CSMD1: variants seen among roughly 807,000 people sequenced by gnomAD.
CSMD1 encodes the protein CUB and Sushi multiple domains 1, also known as CUB and sushi domain-containing protein 1.
A neutral mutation model predicts 417.5 loss-of-function variants in CSMD1; 213 were observed. The observed-to-expected ratio is 0.51, with a 90% CI of 0.46 to 0.57. CSMD1 has a LOEUF of 0.57. Ranked by LOEUF, CSMD1 falls within the 20% of genes least tolerant of loss-of-function variation. The pLI is 0.00. For synonymous variants in CSMD1, 2,862 were observed against 1,736.8 expected (o/e 1.65, Z -16.11); for missense variants, 6,923 against 4,529.7 (o/e 1.53, Z -15.17).
chr8:4,705,976 G>C (rs976164397), intron 1 of CSMD1, among the ~76,000 whole-genome samples: 1 of 151,636 alleles, frequency 6.6e-6, no homozygotes, highest in African/African-American at 2.4e-5. Context: ...AAATGCTTAG[G>C]ATGACCTTTA....
intron 12 of CSMD1, among the ~76,000 whole-genome samples, chr8:3,446,762 C>A (rs534311069): frequency 1.1e-4 from 16 of 152,204 alleles, no homozygotes; most frequent in African/African-American, 3.6e-4. Flanking sequence ...ATCTAGACTT[C>A]GGAATCCTGA....
At chr8:4,786,725 G>C (rs1370482085) in intron 1 of CSMD1, among the ~76,000 whole-genome samples, 1 of 152,030 alleles carries the variant, frequency 6.6e-6, no homozygotes, top group Non-Finnish European at 1.5e-5. Context: ...TGTGAAAGTA[G>C]TCCATTATCT....
intron 1 of CSMD1, among the ~76,000 whole-genome samples, chr8:4,861,945 A>C (rs1802161883): frequency 6.6e-6 from 1 of 152,144 alleles, no homozygotes; most frequent in African/African-American, 2.4e-5. Context: ...GGGATGCAAC[A>C]AATATAAATA....
In CSMD1 at chr8:3,348,027, G is replaced by T. The variant is rs1402985034; in HGVS notation, c.3439C>A (p.Arg1147=). 1 of 1,607,048 alleles carries T rather than the reference G, an allele frequency of 6.2e-7. No homozygotes were observed. Among genetic ancestry groups the T allele is most frequent in the South Asian group, 1.1e-5 (1 of 89,658 alleles). ...TCTCCTTCAAACAGCTGGAAGCTTC[G>T]TGTTCTAAGGTGGATGCCCTTGCCG... The part of the protein sequence containing the change: ...EAGKGIHLRT[R]SFQLFEGDTL... The change falls in exon 22 of 70, where the codon CGA becomes AGA. Residue 1147 remains arginine, a synonymous_variant. Coordinates refer to ENST00000635120, the MANE Select transcript of CSMD1 (RefSeq NM_033225.6).
intron 21 of CSMD1, among the ~76,000 whole-genome samples, chr8:3,358,326 G>C (rs189900049): frequency 6.6e-6 from 1 of 152,164 alleles, no homozygotes; most frequent in Non-Finnish European, 1.5e-5. Context: ...TAACTTTAAA[G>C]AACAATTTGT....
intron 5 of CSMD1, among the ~76,000 whole-genome samples, chr8:3,804,315 G>C (rs922354973): frequency 6.6e-6 from 1 of 152,022 alleles, no homozygotes; most frequent in Admixed American, 6.5e-5. Flanking sequence ...TTTGTGCTGA[G>C]ACCAGTTGAA....
intron 1 of CSMD1, among the ~76,000 whole-genome samples, chr8:4,854,452 CTG>C (rs1801672364): frequency 6.6e-6 from 1 of 152,146 alleles, no homozygotes; most frequent in South Asian, 2.1e-4. Flanking sequence ...ACAGCTCCCA[CTG>C]TGAGCGACGC....
chr8:3,593,834 C>G (rs1363091980), intron 8 of CSMD1, among the ~76,000 whole-genome samples: 1 of 152,098 alleles, frequency 6.6e-6, no homozygotes, highest in Non-Finnish European at 1.5e-5. Flanking sequence ...CTCCCTATCT[C>G]CCTCTCTCTT....
At chr8:4,046,970 G>C (rs3898542) in intron 3 of CSMD1, among the ~76,000 whole-genome samples, 17,322 of 152,196 alleles carry the variant, frequency 0.11, 1,514 homozygotes, top group East Asian at 0.35. Context: ...CAGATCTCAT[G>C]CTCTTTTCTT....
chr8:3,978,077 G>A (rs1428189855), intron 5 of CSMD1, among the ~76,000 whole-genome samples: 6 of 152,172 alleles, frequency 3.9e-5, no homozygotes, highest in Non-Finnish European at 5.9e-5. Context: ...GAGCAACTGT[G>A]AAACTCGGTG....
chr8:3,420,243 G>T (rs551378728), intron 12 of CSMD1, among the ~76,000 whole-genome samples: 71 of 151,980 alleles, frequency 4.7e-4, no homozygotes, highest in Non-Finnish European at 7.9e-4. Flanking sequence ...CTAACCACAA[G>T]AAAAGCATCA....
chr8:3,330,570 G>C (rs1417341516), intron 23 of CSMD1, among the ~76,000 whole-genome samples: 4 of 152,226 alleles, frequency 2.6e-5, no homozygotes, highest in African/African-American at 9.6e-5. Flanking sequence ...ACAAAGAAGG[G>C]GATGACAGAC....
chr8:4,898,238 C>T (rs533241553), intron 1 of CSMD1, among the ~76,000 whole-genome samples: 8 of 152,220 alleles, frequency 5.3e-5, no homozygotes, highest in Non-Finnish European at 8.8e-5. Flanking sequence ...CGGAGAGCAT[C>T]GGGGTGCTTA....
intron 1 of CSMD1, among the ~76,000 whole-genome samples, chr8:4,757,835 T>G (rs1811763048): frequency 6.6e-6 from 1 of 151,486 alleles, no homozygotes; most frequent in Non-Finnish European, 1.5e-5. Context: ...GGCGCACACC[T>G]GTAATCCCAG....
chr8:4,049,655 A>T (rs868080717), intron 3 of CSMD1, among the ~76,000 whole-genome samples: 24 of 152,234 alleles, frequency 1.6e-4, no homozygotes, highest in South Asian at 6.2e-4. Flanking sequence ...ATATTTACTA[A>T]TCGACAAGCA....
rs187892400 is a variant in CSMD1, at chr8:3,214,270, G to A, written c.4867+227C>T. ...AGAAGTGAAAAATGTAAAACTGTAC[G>A]AGCGAAGGAAAAATATTGCTCCTCC... On this transcript the variant is annotated intron_variant, in intron 30 of 69. Transcript: ENST00000635120. Among the ~76,000 whole-genome samples, 122 of 152,164 alleles carry A rather than the reference G, an allele frequency of 8.0e-4. 1 individual carries two copies. The highest frequency in any genetic ancestry group is 2.8e-3 in the African/African-American group (115 of 41,518).
At chr8:4,124,310 G>T (rs1026348245) in intron 3 of CSMD1, among the ~76,000 whole-genome samples, 1 of 152,130 alleles carries the variant, frequency 6.6e-6, no homozygotes, top group African/African-American at 2.4e-5. Context: ...TAATTCCACA[G>T]GATCCTCTAT....
intron 25 of CSMD1, among the ~76,000 whole-genome samples, chr8:3,289,215 C>A (rs1459526189): frequency 1.4e-5 from 2 of 147,424 alleles, no homozygotes; most frequent in Non-Finnish European, 2.9e-5. Flanking sequence ...TTTTCTTAAT[C>A]CAGTCTATCG....
intron 1 of CSMD1, among the ~76,000 whole-genome samples, chr8:4,724,338 C>T (rs1809268468): frequency 6.6e-6 from 1 of 151,976 alleles, no homozygotes. Flanking sequence ...ATATGAAGAG[C>T]TAATAATGCC....
Sources: gnomAD v4.1 joint callset for allele counts (sites outside exome capture counted in the v4.1 genomes callset) on GRCh38, gnomAD v4.1.1 for gene constraint, MANE v1.5 for transcripts, NCBI Gene and HGNC (gene_info 2026-07-23, HGNC 2026-07-21) for gene names.